NMBR: variants seen among roughly 807,000 people sequenced by gnomAD.
NMBR encodes neuromedin-B receptor.
NMBR carries 16 observed loss-of-function variants against 20.5 expected under a neutral mutation model. The ratio of observed to expected loss-of-function variants is 0.78; its 90% CI spans 0.53 to 1.19. The LOEUF is 1.19. Ranked by LOEUF, NMBR falls within the 50% of genes most tolerant of loss-of-function variation. NMBR has a pLI of 0.00. For synonymous variants in NMBR, 212 were observed against 196.6 expected (o/e 1.08, Z -0.65); for missense variants, 582 against 499.1 (o/e 1.17, Z -1.58).
intron 1 of NMBR, among the ~76,000 whole-genome samples, chr6:142,111,108 C>T (rs553556006): frequency 4.6e-5 from 7 of 151,958 alleles, no homozygotes; most frequent in Non-Finnish European, 8.8e-5. Flanking sequence ...GGAGTGGTGG[C>T]ATGCGCGTGT....
intron 1 of NMBR, among the ~76,000 whole-genome samples, chr6:142,100,426 A>G (rs6930592): frequency 0.64 from 97,843 of 152,112 alleles, 33,331 homozygotes; most frequent in East Asian, 0.87. Context: ...AAACTTAAAT[A>G]TATTTTGCTG....
rs149292719 is a variant in NMBR, at chr6:142,120,786, G to A, written c.-664+26258C>T. Among the ~76,000 whole-genome samples the A allele has an allele frequency of 2.6e-5, 4 of 152,054 alleles. No homozygotes were observed. In the East Asian group the frequency reaches 7.7e-4, roughly 29 times the overall value. On this transcript the variant is annotated intron_variant, in intron 1 of 3. Transcript: ENST00000258042. The stretch of plus-strand genomic sequence containing the variant: ...TATCTACCTGATTCCTGCAGAATAA[G>A]TGCATGCCAGAACAAATTCTAACAT...
At chr6:142,126,896 G>A (rs1340176047) in intron 1 of NMBR, among the ~76,000 whole-genome samples, 2 of 150,746 alleles carry the variant, frequency 1.3e-5, no homozygotes, top group East Asian at 2.0e-4. Context: ...TTGGGTTTTG[G>A]GGGGGTTTAT....
intron 1 of NMBR, among the ~76,000 whole-genome samples, chr6:142,091,700 T>G (rs1296999263): frequency 6.6e-6 from 1 of 152,206 alleles, no homozygotes; most frequent in Non-Finnish European, 1.5e-5. Flanking sequence ...ATTTTGAAAT[T>G]TATTGTATTT....
chr6:142,110,992 C>A (rs1021008369), intron 1 of NMBR, among the ~76,000 whole-genome samples: 33 of 152,136 alleles, frequency 2.2e-4, no homozygotes, highest in Non-Finnish European at 1.5e-5. Context: ...GTAATGCCAG[C>A]ACTTTAGGAG....
At chr6:142,137,421 T>G (rs1448362570) in intron 1 of NMBR, among the ~76,000 whole-genome samples, 1 of 152,184 alleles carries the variant, frequency 6.6e-6, no homozygotes, top group African/African-American at 2.4e-5. Context: ...TTTCTAGATA[T>G]ACAGTCATGT....
intron 1 of NMBR, among the ~76,000 whole-genome samples, chr6:142,137,385 G>A (rs191546653): frequency 8.5e-5 from 13 of 152,240 alleles, no homozygotes; most frequent in African/African-American, 3.1e-4. Flanking sequence ...TCAGCTTAAG[G>A]AGATTTTGGG....
In NMBR at chr6:142,088,702, G is replaced by A. The variant is rs1339013609; in HGVS notation, c.-44C>T. 3 of 1,540,812 alleles carry A rather than the reference G, an allele frequency of 1.9e-6. No homozygotes were observed. The highest frequency in any genetic ancestry group is 1.2e-5 in the South Asian group (1 of 85,116). On this transcript the variant is annotated 5_prime_UTR_variant, in exon 2 of 4. Transcript: ENST00000258042. ...GTCCGCTGGAGTTTTCACGCGCTCCGGTGCCCTGAGGACTGAACGCCCACG... is the reference window on the plus strand; with the variant it reads ...GTCCGCTGGAGTTTTCACGCGCTCCAGTGCCCTGAGGACTGAACGCCCACG...
intron 1 of NMBR, among the ~76,000 whole-genome samples, chr6:142,093,954 T>C (rs1052110494): frequency 4.7e-5 from 7 of 148,766 alleles, no homozygotes; most frequent in African/African-American, 1.7e-4. Context: ...ATGTGTTCTT[T>C]TGAGAAGTGT....
At chr6:142,110,854 C>G (rs937931437) in intron 1 of NMBR, among the ~76,000 whole-genome samples, 2 of 152,184 alleles carry the variant, frequency 1.3e-5, no homozygotes, top group African/African-American at 4.8e-5. Flanking sequence ...GAGAACCCCC[C>G]TAACTATGGA....
chr6:142,105,187 G>A (rs1213834421), intron 1 of NMBR, among the ~76,000 whole-genome samples: 1 of 152,098 alleles, frequency 6.6e-6, no homozygotes, highest in Non-Finnish European at 1.5e-5. Context: ...TTAGGGTGGG[G>A]CAGGAACAGA....
chr6:142,140,005 C>T (rs955681954), intron 1 of NMBR, among the ~76,000 whole-genome samples: 1 of 152,018 alleles, frequency 6.6e-6, no homozygotes, highest in Non-Finnish European at 1.5e-5. Context: ...TTTATGTGAA[C>T]AAGAAGTGGG....
At chr6:142,144,312 C>T (rs772156140) in intron 1 of NMBR, among the ~76,000 whole-genome samples, 7 of 152,076 alleles carry the variant, frequency 4.6e-5, no homozygotes, top group Non-Finnish European at 1.0e-4. Context: ...TGACTGATGC[C>T]CTGTCATTTG....
chr6:142,146,718 C>T (rs2114620549), intron 1 of NMBR, among the ~76,000 whole-genome samples: 1 of 152,166 alleles, frequency 6.6e-6, no homozygotes. Context: ...CTTAATTTGG[C>T]GCGAAATCTG....
rs548075384 is a variant in NMBR at position 142,077,772 on chromosome 6, T to C, written c.771+783A>G. 9.2e-5 allele frequency among the ~76,000 whole-genome samples: 14 copies of C among 152,334 alleles called. No homozygotes were observed. In the South Asian group the frequency reaches 2.7e-3, roughly 29 times the overall value. ...TAATTTGGAAACAAGCATCGGTAAC[T>C]ACTCTGTACCTGCAAAACCCGTTAG... On this transcript the variant is annotated intron_variant, in intron 3 of 3. Transcript: ENST00000258042.
chr6:142,086,708 T>C (rs1224535737), intron 2 of NMBR, among the ~76,000 whole-genome samples: 1 of 152,142 alleles, frequency 6.6e-6, no homozygotes, highest in Admixed American at 6.5e-5. Flanking sequence ...AGTAAATATA[T>C]AAGGATTATT....
intron 1 of NMBR, among the ~76,000 whole-genome samples, chr6:142,102,984 C>T (rs1777593008): frequency 6.6e-6 from 1 of 152,120 alleles, no homozygotes; most frequent in Admixed American, 6.5e-5. Context: ...TCAAAGATGC[C>T]ATCTGCTTCT....
intron 2 of NMBR, among the ~76,000 whole-genome samples, chr6:142,082,237 T>A (rs1260739150): frequency 6.6e-6 from 1 of 152,232 alleles, no homozygotes; most frequent in Admixed American, 6.5e-5. Context: ...AACCGCATGA[T>A]AAGAGAAAGG....
chr6:142,121,885 G>A (rs1372038100), intron 1 of NMBR, among the ~76,000 whole-genome samples: 1 of 151,870 alleles, frequency 6.6e-6, no homozygotes, highest in East Asian at 1.9e-4. Flanking sequence ...AAATTCTAGA[G>A]ATTACCTCAA....
Sources: gnomAD v4.1 joint callset for allele counts (sites outside exome capture counted in the v4.1 genomes callset) on GRCh38, gnomAD v4.1.1 for gene constraint, MANE v1.5 for transcripts, NCBI Gene and HGNC (gene_info 2026-07-23, HGNC 2026-07-21) for gene names.